DYNLT5: variants seen among roughly 807,000 people sequenced by gnomAD.
The protein encoded by DYNLT5 is dynein light chain Tctex-type 5.
A neutral mutation model predicts 19.3 loss-of-function variants in DYNLT5; 25 were observed. The ratio of observed to expected loss-of-function variants is 1.30; its 90% CI spans 0.95 to 1.81. The LOEUF is 1.81. Among genes scored for constraint, DYNLT5 ranks in the 40% most tolerant of loss-of-function variants. The pLI is 0.00. For missense variants in DYNLT5, 232 were observed against 217.9 expected (o/e 1.06, Z -0.41); for synonymous variants, 82 against 68.9 (o/e 1.19, Z -0.94).
At chr1:66,770,882 T>C (rs75917084) in intron 3 of DYNLT5, 2 of 271,646 alleles carry the variant, frequency 7.4e-6, no homozygotes, top group South Asian at 3.9e-5. Context: ...AAATGACTCA[T>C]AGTCCCCTGT....
chr1:66,752,980 T>G (rs1374546716), intron 1 of DYNLT5, among the ~76,000 whole-genome samples: 3 of 152,208 alleles, frequency 2.0e-5, no homozygotes, highest in African/African-American at 7.2e-5. Flanking sequence ...TGGGTCTATG[T>G]GGCTTTGCAG....
chr1:66,753,151 G>A (rs748155975), intron 1 of DYNLT5, among the ~76,000 whole-genome samples: 2 of 151,982 alleles, frequency 1.3e-5, no homozygotes, highest in African/African-American at 2.4e-5. Context: ...TCACACTCAC[G>A]TGCACACACA....
intron 1 of DYNLT5, among the ~76,000 whole-genome samples, chr1:66,754,155 G>T (rs114590929): frequency 6.6e-6 from 1 of 151,924 alleles, no homozygotes; most frequent in South Asian, 2.1e-4. Flanking sequence ...TGGGAGGAAC[G>T]CTTGAGCCCA....
chr1:66,773,893 C>G (rs7548496), intron 3 of DYNLT5, among the ~76,000 whole-genome samples: 73,454 of 151,946 alleles, frequency 0.48, 18,461 homozygotes, highest in African/African-American at 0.6. Context: ...TACTCTGAAA[C>G]TAGTTTTAGG....
rs1290742913 is a variant in DYNLT5 at position 66,778,131 on chromosome 1, G to A, written c.*677G>A. 6.6e-6 allele frequency: 1 copy of A among 152,634 alleles called. No individual in the cohort carries two copies. The highest frequency in any genetic ancestry group is 1.5e-5 in the Non-Finnish European group (1 of 68,034). 9.5% of individuals were successfully genotyped at this position (152,634 alleles called of 1,614,324 possible). ...GCTCTTCAGTAATGGAAACTATAAA[G>A]TGAATAAAGGCTTTTTGGGACACTG... is the stretch of plus-strand genomic sequence containing the variant. On this transcript the variant is annotated 3_prime_UTR_variant, in exon 5 of 5. Coordinates refer to ENST00000282670, the MANE Select transcript of DYNLT5 (RefSeq NM_152665.3).
At chr1:66,770,761 T>G (rs1200936392) in intron 3 of DYNLT5, 1 of 465,992 alleles carries the variant, frequency 2.1e-6, no homozygotes, top group Non-Finnish European at 3.9e-6. Flanking sequence ...CACTGAGTAT[T>G]TCTGGGTACA....
chr1:66,774,495 T>G (rs1168304543), intron 3 of DYNLT5, among the ~76,000 whole-genome samples: 1 of 152,122 alleles, frequency 6.6e-6, no homozygotes, highest in Non-Finnish European at 1.5e-5. Context: ...AAATAACGAT[T>G]TATAGAACCT....
chr1:66,777,642 CTTGT>C lies in DYNLT5; in HGVS notation c.*191_*194del. The C allele has an allele frequency of 4.2e-6, 2 of 472,884 alleles. No homozygotes were observed. The highest frequency in any genetic ancestry group is 8.9e-5 in the South Asian group (2 of 22,570). The allele number at this position is 472,884 out of a possible 1,614,324, so 29.3% of individuals were successfully genotyped here. ...AGGGGAGGGTAGCCACAGAAAGAAT[CTTGT>C]TTATCTAAAGCAGGAACTTGATCTT... On this transcript the variant is annotated 3_prime_UTR_variant, in exon 5 of 5. Transcript: ENST00000282670.
chr1:66,755,052 C>A (rs148217551), intron 2 of DYNLT5, among the ~76,000 whole-genome samples: 80 of 152,252 alleles, frequency 5.3e-4, no homozygotes, highest in Middle Eastern at 3.4e-3. Flanking sequence ...ACCAGACACG[C>A]TTATATGTCT....
At chr1:66,773,767 A>T (rs966078677) in intron 3 of DYNLT5, among the ~76,000 whole-genome samples, 2 of 151,788 alleles carry the variant, frequency 1.3e-5, no homozygotes, top group South Asian at 2.1e-4. Context: ...TGTTTTTAAA[A>T]TTTTTTTTGT....
intron 2 of DYNLT5, among the ~76,000 whole-genome samples, chr1:66,758,942 G>A (rs1468631922): frequency 6.6e-6 from 1 of 152,126 alleles, no homozygotes; most frequent in African/African-American, 2.4e-5. Context: ...TCAGAGTTAG[G>A]AGATAAGTTG....
chr1:66,775,077 T>C (rs2150869023), intron 3 of DYNLT5: 1 of 152,366 alleles, frequency 6.6e-6, no homozygotes, highest in South Asian at 2.1e-4. Flanking sequence ...ATGACATTAG[T>C]ATATGACCAA....
chr1:66,764,914 A>C (rs79281582), intron 2 of DYNLT5, among the ~76,000 whole-genome samples: 2,678 of 152,340 alleles, frequency 0.018, 79 homozygotes, highest in African/African-American at 0.061. Flanking sequence ...GCTCTTGAGC[A>C]TAACACTCAT....
At position 66,769,116 on chromosome 1, in the gene DYNLT5, G is replaced by A. The variant is rs1645186664; in HGVS notation, c.120-1271G>A. ...AGCAGCAGTAATCATCTTTGGTATT[G>A]CCCACAACACCTGCAGCCAGTGTGG... On this transcript the variant is annotated intron_variant, in intron 2 of 4. Transcript: ENST00000282670. 2.0e-5 allele frequency among the ~76,000 whole-genome samples: 3 copies of A among 152,150 alleles called. No individual in the cohort carries two copies. The South Asian group carries it at 6.2e-4, about 32-fold the overall frequency.
At chr1:66,767,250 GT>G (rs1249618374) in intron 2 of DYNLT5, among the ~76,000 whole-genome samples, 1 of 151,814 alleles carries the variant, frequency 6.6e-6, no homozygotes, top group East Asian at 1.9e-4. Context: ...GTTTTTACTG[GT>G]TTTTGTTTTG....
Position 66,777,432 on chromosome 1 carries a change from T to C in DYNLT5, c.518T>C (p.Val173Ala). Residue 173 changes from valine (V) to alanine (A), a missense_variant, in exon 5 of 5, where the codon GTC becomes GCC. Coordinates refer to ENST00000282670, the MANE Select transcript of DYNLT5 (RefSeq NM_152665.3). ...RNSSLFALAN[V>A]YAVYLE ...TCTTCTCTCTTCGCTCTTGCAAATG[T>C]CTATGCAGTTTACCTTGAGTGATTG... 6.2e-7 allele frequency: 1 copy of C among 1,613,706 alleles called. No individual in the cohort carries two copies. The highest frequency in any genetic ancestry group is 1.1e-5 in the South Asian group (1 of 91,058).
chr1:66,768,776 A>C (rs1645184372), intron 2 of DYNLT5: 1 of 152,196 alleles, frequency 6.6e-6, no homozygotes, highest in South Asian at 2.1e-4. Context: ...TTTTAATTGC[A>C]GTGATTAATT....
At chr1:66,776,435 AT>A (rs1164803329) in intron 4 of DYNLT5, 32 bp downstream of exon 4, 3 of 1,563,658 alleles carry the variant, frequency 1.9e-6, no homozygotes, top group Non-Finnish European at 2.6e-6. Flanking sequence ...AGTGTTAACA[AT>A]AGCTAGAATA....
intron 4 of DYNLT5, among the ~76,000 whole-genome samples, 159 bp downstream of exon 4, chr1:66,776,562 T>C (rs567972844): frequency 1.3e-5 from 2 of 150,254 alleles, no homozygotes; most frequent in East Asian, 3.9e-4. Context: ...TGTGTGTGGG[T>C]GTGTGTGTGT....
Sources: gnomAD v4.1 joint callset for allele counts (sites outside exome capture counted in the v4.1 genomes callset) on GRCh38, gnomAD v4.1.1 for gene constraint, MANE v1.5 for transcripts, NCBI Gene and HGNC (gene_info 2026-07-23, HGNC 2026-07-21) for gene names.